The following EIF2B4 variants were observed in gnomAD, a reference collection of about 807,000 sequenced individuals.
The protein encoded by EIF2B4 is eukaryotic translation initiation factor 2B subunit delta, also known as translation initiation factor eIF2B subunit delta.
Under a neutral mutation model 66.7 loss-of-function variants are expected in EIF2B4, and 34 were observed. The ratio of observed to expected loss-of-function variants is 0.51; its 90% CI spans 0.39 to 0.68. The LOEUF (loss-of-function observed/expected upper bound fraction) is 0.68, where lower values mean the gene tolerates loss of function less well. EIF2B4 is among the 30% of genes least tolerant of loss of function. EIF2B4 has a pLI of 0.00. For synonymous variants in EIF2B4, 278 were observed against 253.6 expected, an observed-to-expected ratio of 1.10 and a Z score of -0.92; for missense variants, 618 against 657.9, an observed-to-expected ratio of 0.94 and a Z score of 0.66.
rs868522898 is a variant in EIF2B4, at chr2:27,364,787, G to A, written c.1303C>T (p.Leu435=). The change falls in exon 12 of 13, where the codon CTG becomes TTG. Residue 435 remains leucine (L), a synonymous_variant. Transcript: ENST00000347454. ...LVARAHNVPV[L]VCCETYKFCE... is the part of the protein sequence containing the mutation. ...AACTTGTATGTTTCACAGCAAACCA[G>A]CACTGGTACATTATGGGCTCGAGCC... 8.7e-6 allele frequency: 14 copies of A among 1,614,188 alleles called. No individual in the cohort carries two copies. In the Middle Eastern group the frequency reaches 1.2e-3, roughly 133 times the overall value.
At chr2:27,364,684 C>T (rs750118047) in intron 12 of EIF2B4, 34 bp downstream of exon 12, 4 of 1,614,222 alleles carry the variant, frequency 2.5e-6, no homozygotes, top group Non-Finnish European at 3.4e-6. Flanking sequence ...CAAGTCTTCA[C>T]AGGTAGCTGG....
Position 27,368,469 on chromosome 2 carries a change from C to G in EIF2B4, c.499-6G>C, listed in dbSNP as rs748069510. ...TAATCCTTTCGTGTAGGAACCTTGACAAAACAAGGGAACAGGACCAATGGC... is the reference window on the plus strand; with the variant it reads ...TAATCCTTTCGTGTAGGAACCTTGAGAAAACAAGGGAACAGGACCAATGGC... On this transcript the variant is annotated splice_region_variant and splice_polypyrimidine_tract_variant and intron_variant, in intron 5 of 12. Transcript: ENST00000347454. 9.3e-6 allele frequency: 15 copies of G among 1,612,134 alleles called. No homozygotes were observed. The South Asian group carries it at 1.5e-4, about 17-fold the overall frequency.
At chr2:27,364,992 T>TAATA in intron 11 of EIF2B4, 94 bp from the exon 12 acceptor site, 2 of 1,253,234 alleles carry the variant, frequency 1.6e-6, no homozygotes, top group South Asian at 2.5e-5. Flanking sequence ...TTAAGACAAG[T>TAATA]AATAAATCTC....
At position 27,364,708 on chromosome 2, in the gene EIF2B4, G is replaced by C. The variant is rs752584305; in HGVS notation, c.1372+10C>G. The C allele has an allele frequency of 4.3e-6, 7 of 1,614,122 alleles. No individual in the cohort carries two copies. In the Admixed American group the frequency reaches 1.2e-4, roughly 27 times the overall value. ...ACAGGTAGCTGGAGGCTTCTCTTTT[G>C]CCTCCTTACCTAGCTCATTAGAGAC... On this transcript the variant is annotated intron_variant, in intron 12 of 12. Coordinates refer to ENST00000347454, the MANE Select transcript of EIF2B4 (RefSeq NM_001034116.2).
In EIF2B4 at chr2:27,369,554, G is replaced by T. The variant is rs749563385; in HGVS notation, c.76-5C>A. 17 of 1,613,922 alleles carry T rather than the reference G, an allele frequency of 1.1e-5. No homozygotes were observed. Among genetic ancestry groups the T allele is most frequent in the Middle Eastern group, 1.6e-4 (1 of 6,084 alleles). On this transcript the variant is annotated splice_polypyrimidine_tract_variant and splice_region_variant and intron_variant, in intron 2 of 12. Coordinates refer to ENST00000347454, the MANE Select transcript of EIF2B4 (RefSeq NM_001034116.2). ...GGTCATTTCCCTCCCCACTGCCTGA[G>T]ACACAGACATAGGATACTGCTCTTC...
At chr2:27,367,977 T>C (rs750664457) in intron 7 of EIF2B4, 48 bp downstream of exon 7, 46 of 1,517,400 alleles carry the variant, frequency 3.0e-5, no homozygotes, top group Non-Finnish European at 3.4e-5. Context: ...TGGGGTAGTA[T>C]TGGGGGAGGT....
intron 11 of EIF2B4, 73 bp from the exon 12 acceptor site, chr2:27,364,971 G>A: frequency 1.4e-6 from 2 of 1,456,610 alleles, no homozygotes. Flanking sequence ...CCTACTTACA[G>A]GACAGCAACA....
chr2:27,366,267 G>T (rs1459300903), intron 11 of EIF2B4: 5 of 233,396 alleles, frequency 2.1e-5, no homozygotes, highest in Non-Finnish European at 4.2e-5. Context: ...TGTGTACAGG[G>T]TCTCATTATG....
At chr2:27,370,138 G>C in intron 1 of EIF2B4, 146 bp downstream of exon 1, 2 of 1,529,268 alleles carry the variant, frequency 1.3e-6, no homozygotes, top group Non-Finnish European at 1.8e-6. Context: ...TGCGCGGCGC[G>C]GGACTGCGCT....
chr2:27,368,361 T>C lies in EIF2B4; in HGVS notation c.590+11A>G, dbSNP rs990980109. The C allele has an allele frequency of 1.0e-5, 16 of 1,605,960 alleles. No individual in the cohort carries two copies. Among genetic ancestry groups the C allele is most frequent in the Admixed American group, 6.7e-5 (4 of 59,994 alleles). On this transcript the variant is annotated intron_variant, in intron 6 of 12. Coordinates refer to ENST00000347454, the MANE Select transcript of EIF2B4 (RefSeq NM_001034116.2). ...AGACTCAAAAGTTATGACAATTTCA[T>C]AGGATCCTACCTCATAAACTGGGTC...
At chr2:27,365,819 T>G (rs1466164768) in intron 11 of EIF2B4, 1 of 152,236 alleles carries the variant, frequency 6.6e-6, no homozygotes, top group African/African-American at 2.4e-5. Flanking sequence ...GTTTTTGCAA[T>G]AGCTAGACTG....
At chr2:27,366,707 A>T in intron 11 of EIF2B4, 52 bp downstream of exon 11, 1 of 1,597,448 alleles carries the variant, frequency 6.3e-7, no homozygotes, top group Non-Finnish European at 8.6e-7. Flanking sequence ...TTATGTCTAT[A>T]CTACTACACC....
chr2:27,366,687 G>A, intron 11 of EIF2B4, 72 bp downstream of exon 11: 5 of 1,558,502 alleles, frequency 3.2e-6, no homozygotes, highest in East Asian at 2.2e-5. Context: ...GTAACTTTGG[G>A]AAGGTGAGAT....
chr2:27,368,581 C>G lies in EIF2B4; in HGVS notation c.498+73G>C, dbSNP rs1289575476. 12 of 1,589,928 alleles carry G rather than the reference C, an allele frequency of 7.5e-6. No individual in the cohort carries two copies. The South Asian group carries it at 1.3e-4, about 18-fold the overall frequency. ...CCAAGCACCTATCCTTCTCACTTTGCACCCAGCACCTTTCCTCCCTCCAGT... is the reference window on the plus strand; with the variant it reads ...CCAAGCACCTATCCTTCTCACTTTGGACCCAGCACCTTTCCTCCCTCCAGT... On this transcript the variant is annotated intron_variant, in intron 5 of 12. Coordinates refer to ENST00000347454, the MANE Select transcript of EIF2B4 (RefSeq NM_001034116.2).
rs761988390 is a variant in EIF2B4 at position 27,367,240 on chromosome 2, A to G, written c.886-39T>C. The stretch of plus-strand genomic sequence containing the variant: ...AATCCTTAGTGAACAAGAAATGGAC[A>G]CTTTTATCCCTCTGATGATCATGCC... On this transcript the variant is annotated intron_variant, in intron 9 of 12. Transcript: ENST00000347454. 6 of 1,613,824 alleles carry G rather than the reference A, an allele frequency of 3.7e-6. No homozygotes were observed. The Admixed American group carries it at 1.0e-4, about 27-fold the overall frequency.
Position 27,368,994 on chromosome 2 carries a change from A to G in EIF2B4, c.418+12T>C. The G allele has an allele frequency of 6.2e-7, 1 of 1,614,102 alleles. No individual in the cohort carries two copies. Among genetic ancestry groups the G allele is most frequent in the Non-Finnish European group, 8.5e-7 (1 of 1,180,002 alleles). ...TAGGAGTAAGGGAGGTCTTAAAATG[A>G]AGGGAAGATACCTGAGGGGGTTTCT... On this transcript the variant is annotated intron_variant, in intron 4 of 12. Coordinates refer to ENST00000347454, the MANE Select transcript of EIF2B4 (RefSeq NM_001034116.2).
chr2:27,368,122 A>G lies in EIF2B4; in HGVS notation c.608T>C (p.Ile203Thr), dbSNP rs1187644050. 2 of 1,592,962 alleles carry G rather than the reference A, an allele frequency of 1.3e-6. No individual in the cohort carries two copies. The highest frequency in any genetic ancestry group is 1.8e-5 in the Admixed American group (1 of 56,792). ...TQFMSIPSSV[I>T]HPAMVRLGLQ... is the part of the protein sequence containing the mutation. ...GCCGAGTCGCACCATGGCTGGGTGG[A>G]TCACAGAGGATGGGATGCTGATGGG... Residue 203 changes from isoleucine to threonine, a missense_variant, in exon 7 of 13, where the codon ATC becomes ACC. This residue lies in a region of EIF2B4 where 506 missense variants were observed against 511.9 expected (regional missense o/e 0.99). Transcript: ENST00000347454.
chr2:27,368,040 A>G lies in EIF2B4; in HGVS notation c.690T>C (p.Leu230=), dbSNP rs1681994956. 6.3e-7 allele frequency: 1 copy of G among 1,590,488 alleles called. No homozygotes were observed. Among genetic ancestry groups the G allele is most frequent in the Non-Finnish European group, 8.6e-7 (1 of 1,167,972 alleles). The change falls in exon 7 of 13, where the codon CTT becomes CTC. Residue 230 remains leucine (L), a synonymous_variant. Transcript: ENST00000347454. The stretch of plus-strand genomic sequence containing the variant: ...TGGGACATACCTGCTGCAAGGCACG[A>G]AGCAGGGCAATACACCGGGCATTGG... ...SGSNARCIAL[L]RALQQVIQDY...
rs767457541 is a variant in EIF2B4, at chr2:27,367,830, G to T, written c.706-8C>A. 1 of 1,612,464 alleles carries T rather than the reference G, an allele frequency of 6.2e-7. No homozygotes were observed. Among genetic ancestry groups the T allele is most frequent in the South Asian group, 1.1e-5 (1 of 91,050 alleles). On this transcript the variant is annotated splice_region_variant and splice_polypyrimidine_tract_variant and intron_variant, in intron 7 of 12. Transcript: ENST00000347454. ...TGTGTAATCCTGAATCACCTATAGG[G>T]TACACAAGGTGATCTGCAAAATACC...
Sources: allele counts gnomAD v4.1 joint callset, GRCh38; gene constraint gnomAD v4.1.1; regional missense constraint gnomAD v4.1.1; transcripts MANE v1.5; gene names NCBI Gene and HGNC (gene_info 2026-07-23, HGNC 2026-07-21).